Variants in KSR1 observed in about 807,000 individuals in gnomAD.
The protein encoded by KSR1 is kinase suppressor of ras 1.
KSR1 carries 35 observed loss-of-function variants against 92.9 expected under a neutral mutation model. The observed-to-expected ratio is 0.38, with a 90% CI of 0.29 to 0.50. KSR1 has a LOEUF of 0.50. Ranked by LOEUF, KSR1 falls within the 20% of genes least tolerant of loss-of-function variation. The pLI, the probability that KSR1 is intolerant of heterozygous loss-of-function variation, is 0.94. For missense variants in KSR1, 972 were observed against 1,158.5 expected (o/e 0.84, Z 2.34); for synonymous variants, 467 against 472.6 (o/e 0.99, Z 0.15).
intron 10 of KSR1, 133 bp downstream of exon 10, chr17:27,597,569 G>A (rs1417579408): frequency 3.1e-5 from 30 of 954,732 alleles, no homozygotes; most frequent in Non-Finnish European, 4.3e-5. Flanking sequence ...TACTTGTCCG[G>A]CGCCCCAAGC....
At chr17:27,601,110 G>A (rs545055846) in intron 10 of KSR1, among the ~76,000 whole-genome samples, 105 of 152,344 alleles carry the variant, frequency 6.9e-4, no homozygotes, top group African/African-American at 2.3e-3. Flanking sequence ...GACCGGAGAC[G>A]GGGTCTTGGA....
intron 1 of KSR1, among the ~76,000 whole-genome samples, chr17:27,460,910 G>A (rs1202443886): frequency 6.6e-6 from 1 of 152,160 alleles, no homozygotes; most frequent in African/African-American, 2.4e-5. Context: ...AAGTAGGTGG[G>A]CTGTTCTCCC....
chr17:27,542,748 C>T (rs1451066497), intron 1 of KSR1, among the ~76,000 whole-genome samples: 2 of 152,228 alleles, frequency 1.3e-5, no homozygotes, highest in African/African-American at 2.4e-5. Flanking sequence ...TAACAGAGTT[C>T]TATTTAGTGA....
chr17:27,597,215 A>G (rs923681560), intron 9 of KSR1, 53 bp from the exon 10 acceptor site: 62 of 1,532,990 alleles, frequency 4.0e-5, no homozygotes. Context: ...GGCTGGTGGG[A>G]GGCAGGTGGG....
rs768634749 is a variant in KSR1 at position 27,603,854 on chromosome 17, G to A, written c.1531G>A (p.Ala511Thr). 1.4e-5 allele frequency: 22 copies of A among 1,613,926 alleles called. No individual in the cohort carries two copies. In the South Asian group the frequency reaches 1.5e-4, roughly 11 times the overall value. Residue 511 changes from alanine to threonine, a missense_variant, in exon 12 of 21, where the codon GCA becomes ACA. This residue lies in a region of KSR1 where 611 missense variants were observed against 668.0 expected (regional missense o/e 0.91). Coordinates refer to ENST00000644974, the MANE Select transcript of KSR1 (RefSeq NM_001394583.1). ...TCCAGACATTTCAGCCTTTGCACACGCAGCCCCGCTCCCTGAAGCTGCCGA... is the reference window on the plus strand; with the variant it reads ...TCCAGACATTTCAGCCTTTGCACACACAGCCCCGCTCCCTGAAGCTGCCGA... ...IFPDISAFAH[A>T]APLPEAADGT...
chr17:27,595,848 C>T (rs534650276), intron 9 of KSR1, among the ~76,000 whole-genome samples: 1 of 152,162 alleles, frequency 6.6e-6, no homozygotes, highest in Non-Finnish European at 1.5e-5. Flanking sequence ...GCTGGGGAGC[C>T]ATGGCCACAG....
intron 1 of KSR1, among the ~76,000 whole-genome samples, chr17:27,504,894 TCAGCTTGACTTACACTCCCA>T (rs1760231126): frequency 6.6e-6 from 1 of 152,136 alleles, no homozygotes; most frequent in Non-Finnish European, 1.5e-5. Flanking sequence ...CAGAGCAAAG[TCAGCTTGACTTACACTCCCA>T]GGTGCCTCAG....
At chr17:27,595,598 C>A (rs561610985) in intron 9 of KSR1, among the ~76,000 whole-genome samples, 1 of 152,066 alleles carries the variant, frequency 6.6e-6, no homozygotes, top group African/African-American at 2.4e-5. Context: ...GAAGCTGGAG[C>A]TTAGGCCTCT....
intron 11 of KSR1, chr17:27,601,926 T>A (rs2073577576): frequency 1.9e-6 from 3 of 1,609,376 alleles, no homozygotes; most frequent in Non-Finnish European, 1.7e-6. Context: ...AAATGCCTCC[T>A]TATTGCAGAA....
At chr17:27,534,983 T>G (rs1423910119) in intron 1 of KSR1, among the ~76,000 whole-genome samples, 1 of 152,218 alleles carries the variant, frequency 6.6e-6, no homozygotes, top group African/African-American at 2.4e-5. Context: ...AGTGACCTTC[T>G]CAGATCGCTT....
At chr17:27,511,228 G>A (rs569928014) in intron 1 of KSR1, among the ~76,000 whole-genome samples, 8 of 152,370 alleles carry the variant, frequency 5.3e-5, no homozygotes, top group South Asian at 4.1e-4. Flanking sequence ...ACGTGGGGAC[G>A]CCTGGCTGGG....
Position 27,605,493 on chromosome 17 carries a change from C to A in KSR1, c.1674C>A (p.Asp558Glu), listed in dbSNP as rs374746964. The change falls in exon 14 of 21, where the codon GAC becomes GAA. Residue 558 changes from aspartate (D) to glutamate (E), a missense_variant. Asp to Glu is a conservative substitution (Grantham distance 45, BLOSUM62 2). Transcript: ENST00000644974. The part of the protein sequence containing the change: ...EAEDDEDEVD[D>E]LPSSRRPWRG... ...AAGACGATGAGGACGAGGTGGACGACTTGCCGAGCTCTCGCCGGCCCTGGC... is the reference window on the plus strand; with the variant it reads ...AAGACGATGAGGACGAGGTGGACGAATTGCCGAGCTCTCGCCGGCCCTGGC... The A allele has an allele frequency of 1.9e-6, 3 of 1,607,016 alleles. No individual in the cohort carries two copies. The highest frequency in any genetic ancestry group is 1.1e-5 in the South Asian group (1 of 89,386).
At chr17:27,463,565 C>T (rs1266944288) in intron 1 of KSR1, among the ~76,000 whole-genome samples, 2 of 151,614 alleles carry the variant, frequency 1.3e-5, no homozygotes, top group East Asian at 1.9e-4. Flanking sequence ...TTGCTTGTGT[C>T]TGAGGTTCTG....
At chr17:27,499,665 A>G (rs770989711) in intron 1 of KSR1, among the ~76,000 whole-genome samples, 1 of 152,196 alleles carries the variant, frequency 6.6e-6, no homozygotes, top group East Asian at 1.9e-4. Flanking sequence ...TGGCAGAGCT[A>G]TTGGCAAGGC....
At chr17:27,472,268 C>T (rs2020054504) in intron 1 of KSR1, among the ~76,000 whole-genome samples, 1 of 152,130 alleles carries the variant, frequency 6.6e-6, no homozygotes, top group Admixed American at 6.5e-5. Context: ...TAGGATGGGG[C>T]AAAGAAGGGG....
intron 1 of KSR1, among the ~76,000 whole-genome samples, chr17:27,491,179 T>C (rs1460022421): frequency 6.6e-6 from 1 of 151,996 alleles, no homozygotes; most frequent in Admixed American, 6.6e-5. Flanking sequence ...GGAGCAAGTA[T>C]AGTGGCATGA....
chr17:27,622,921 T>G, intron 20 of KSR1: 1 of 235,212 alleles, frequency 4.3e-6, no homozygotes, highest in Non-Finnish European at 8.3e-6. Context: ...AGTATTAGAG[T>G]TTATTGCTAA....
rs781737613 is a variant in KSR1, at chr17:27,605,839, T to C, written c.1994+26T>C. 9 of 1,610,214 alleles carry C rather than the reference T, an allele frequency of 5.6e-6. No individual in the cohort carries two copies. In the East Asian group the frequency reaches 1.8e-4, roughly 32 times the overall value. The stretch of plus-strand genomic sequence containing the variant: ...GTAACCAAGCCCTAGGACCTCATGC[T>C]GGATGGCCAGCTCAGCCTCCCCCTT... On this transcript the variant is annotated intron_variant, in intron 14 of 20. Transcript: ENST00000644974.
At chr17:27,457,906 C>T (rs2019256408) in intron 1 of KSR1, among the ~76,000 whole-genome samples, 1 of 124,100 alleles carries the variant, frequency 8.1e-6, no homozygotes, top group Non-Finnish European at 1.7e-5. Context: ...CTCCCCCAAA[C>T]CCTCCCCCCG....
Sources: allele counts gnomAD v4.1 joint callset (sites outside exome capture counted in the v4.1 genomes callset), GRCh38; gene constraint gnomAD v4.1.1; regional missense constraint gnomAD v4.1.1; transcripts MANE v1.5; gene names NCBI Gene and HGNC (gene_info 2026-07-23, HGNC 2026-07-21).